Variants in APP observed in about 807,000 individuals in gnomAD.
APP encodes the protein amyloid-beta precursor protein.
A neutral mutation model predicts 101.4 loss-of-function variants in APP; 31 were observed. That is an observed-to-expected ratio of 0.31 (90% CI 0.23 to 0.41). The LOEUF (loss-of-function observed/expected upper bound fraction) is 0.41. Among genes scored for constraint, APP ranks in the 10% least tolerant of loss-of-function variants. The pLI is 1.00. For synonymous variants in APP, 366 were observed against 364.4 expected (o/e 1.00, Z -0.05); for missense variants, 839 against 1,003.7 (o/e 0.84, Z 2.22).
At chr21:26,028,356 G>A (rs2044673798) in intron 5 of APP, among the ~76,000 whole-genome samples, 1 of 152,144 alleles carries the variant, frequency 6.6e-6, no homozygotes, top group Non-Finnish European at 1.5e-5. Flanking sequence ...ACATACTGCA[G>A]ATTAAACGCT....
intron 8 of APP, among the ~76,000 whole-genome samples, chr21:25,991,030 G>A (rs1440577908): frequency 6.6e-6 from 1 of 152,170 alleles, no homozygotes; most frequent in Non-Finnish European, 1.5e-5. Flanking sequence ...CAACTTGGAT[G>A]GAGGTGGAGG....
chr21:25,900,914 G>A (rs1372143150), intron 15 of APP, among the ~76,000 whole-genome samples: 1 of 116,026 alleles, frequency 8.6e-6, no homozygotes. Context: ...GTGAACCCAG[G>A]AGGCAGAGCT....
chr21:26,063,054 G>C (rs552790149), intron 3 of APP, among the ~76,000 whole-genome samples: 1 of 152,274 alleles, frequency 6.6e-6, no homozygotes, highest in East Asian at 1.9e-4. Flanking sequence ...ATGAGCCACT[G>C]TACCCAGCCT....
At chr21:26,163,076 A>AG (rs950354485) in intron 1 of APP, among the ~76,000 whole-genome samples, 9 of 149,324 alleles carry the variant, frequency 6.0e-5, no homozygotes, top group Non-Finnish European at 4.5e-5. Context: ...AAAAAAAAAA[A>AG]AAACAAAAAC....
In APP at chr21:26,008,438, G is replaced by A. The variant is rs552198161; in HGVS notation, c.866-8256C>T. Among the ~76,000 whole-genome samples the A allele has an allele frequency of 8.5e-5, 13 of 152,292 alleles. No homozygotes were observed. In the East Asian group the frequency reaches 1.7e-3, roughly 20 times the overall value. On this transcript the variant is annotated intron_variant, in intron 6 of 17. Transcript: ENST00000346798. ...CTCAAAACTCGGGATATCATGTCCT[G>A]TATTGGAAAATAAGGGGAAGTGCTT...
At chr21:26,053,416 C>A in intron 3 of APP, 68 bp from the exon 4 acceptor site, 1 of 1,161,962 alleles carries the variant, frequency 8.6e-7, no homozygotes, top group South Asian at 1.2e-5. Flanking sequence ...CAGAAGACAT[C>A]AAGGAAAGAT....
chr21:26,039,153 C>G (rs982850286), intron 5 of APP, among the ~76,000 whole-genome samples: 1 of 152,152 alleles, frequency 6.6e-6, no homozygotes, highest in Non-Finnish European at 1.5e-5. Context: ...CAATACTGCC[C>G]TTTCCTTCAT....
At chr21:26,006,451 T>A (rs563045088) in intron 6 of APP, among the ~76,000 whole-genome samples, 1 of 152,192 alleles carries the variant, frequency 6.6e-6, no homozygotes, top group Admixed American at 6.5e-5. Context: ...ACTCCACGCA[T>A]TTTATCTTTG....
At chr21:26,054,774 C>A (rs2045976914) in intron 3 of APP, among the ~76,000 whole-genome samples, 1 of 151,808 alleles carries the variant, frequency 6.6e-6, no homozygotes, top group Non-Finnish European at 1.5e-5. Context: ...CCCACAACTC[C>A]CACGGAGCAA....
At chr21:26,031,414 G>A (rs1262312558) in intron 5 of APP, among the ~76,000 whole-genome samples, 2 of 152,190 alleles carry the variant, frequency 1.3e-5, no homozygotes, top group African/African-American at 2.4e-5. Context: ...TTAAGGAAGT[G>A]TATCAGTCTG....
chr21:25,940,512 A>G lies in APP; in HGVS notation c.1687+14078T>C, dbSNP rs559819548. ...ACCAATTGGCCATAATTTTTAAAAA[A>G]TTACATTTTCATTGGTATTAATAAT... On this transcript the variant is annotated intron_variant, in intron 13 of 17. Transcript: ENST00000346798. Among the ~76,000 whole-genome samples, 7 of 152,320 alleles carry G rather than the reference A, an allele frequency of 4.6e-5. No individual in the cohort carries two copies. The South Asian group carries it at 1.2e-3, about 27-fold the overall frequency.
intron 13 of APP, among the ~76,000 whole-genome samples, chr21:25,947,725 A>T (rs2040883806): frequency 6.6e-6 from 1 of 152,152 alleles, no homozygotes; most frequent in African/African-American, 2.4e-5. Flanking sequence ...GTTCTTGGCC[A>T]GATGTGGGGG....
chr21:25,886,249 C>T (rs923425206), intron 17 of APP, among the ~76,000 whole-genome samples: 1 of 152,110 alleles, frequency 6.6e-6, no homozygotes, highest in Non-Finnish European at 1.5e-5. Context: ...CAGTAACTGC[C>T]TGCTACCTAG....
intron 6 of APP, among the ~76,000 whole-genome samples, chr21:26,008,086 A>C (rs1239351669): frequency 6.6e-6 from 1 of 152,180 alleles, no homozygotes; most frequent in Non-Finnish European, 1.5e-5. Context: ...TTTGTCACGG[A>C]AGTAACTAGA....
chr21:26,071,252 C>T (rs1011202150), intron 3 of APP, among the ~76,000 whole-genome samples: 1 of 152,152 alleles, frequency 6.6e-6, no homozygotes, highest in Admixed American at 6.5e-5. Context: ...TTCCTGACCC[C>T]ACTCAAACAG....
At chr21:26,011,671 T>C (rs886237162) in intron 6 of APP, among the ~76,000 whole-genome samples, 21 of 152,176 alleles carry the variant, frequency 1.4e-4, no homozygotes, top group South Asian at 4.2e-4. Context: ...TTTAGTAACT[T>C]TGCCCACCAA....
intron 13 of APP, among the ~76,000 whole-genome samples, chr21:25,951,270 C>G (rs2041063651): frequency 6.6e-6 from 1 of 152,244 alleles, no homozygotes. Flanking sequence ...CATTCTTCCT[C>G]ATTTTCACCC....
intron 6 of APP, among the ~76,000 whole-genome samples, chr21:26,010,531 C>A (rs774863351): frequency 1.3e-5 from 2 of 151,986 alleles, no homozygotes; most frequent in African/African-American, 4.8e-5. Flanking sequence ...TGAGACCAGC[C>A]GGGCTTGGTG....
At chr21:25,882,133 C>T (rs1489040910) in intron 17 of APP, among the ~76,000 whole-genome samples, 1 of 151,806 alleles carries the variant, frequency 6.6e-6, no homozygotes, top group Non-Finnish European at 1.5e-5. Flanking sequence ...GCCTGTTTTA[C>T]GTGGAAGTGT....
Sources: allele counts gnomAD v4.1 joint callset (sites outside exome capture counted in the v4.1 genomes callset), GRCh38; gene constraint gnomAD v4.1.1; transcripts MANE v1.5; gene names NCBI Gene and HGNC (gene_info 2026-07-23, HGNC 2026-07-21).